Variants in ATP10D observed in about 807,000 individuals in gnomAD.
The protein encoded by ATP10D is phospholipid-transporting ATPase VD.
Under a neutral mutation model 144.8 loss-of-function variants are expected in ATP10D, and 89 were observed. The observed-to-expected ratio is 0.61, with a 90% CI of 0.52 to 0.73. The LOEUF is 0.73. ATP10D is among the 30% of genes least tolerant of loss of function. ATP10D has a pLI of 0.00. For missense variants in ATP10D, 1,603 were observed against 1,714.8 expected, an observed-to-expected ratio of 0.93 and a Z score of 1.15; for synonymous variants, 571 against 615.1, an observed-to-expected ratio of 0.93 and a Z score of 1.06.
rs754142382 is a variant in ATP10D, at chr4:47,557,730, A to G, written c.1891A>G (p.Arg631Gly). 11 of 1,614,102 alleles carry G rather than the reference A, an allele frequency of 6.8e-6. No homozygotes were observed. Among genetic ancestry groups the G allele is most frequent in the African/African-American group, 1.3e-5 (1 of 74,934 alleles). The change falls in exon 12 of 23, where the codon AGA becomes GGA. Residue 631 changes from arginine to glycine, a missense_variant. Physicochemically the swap from Arg to Gly is moderately radical, Grantham distance 125. Transcript: ENST00000273859. ...SLEEIKSLFQRWSVRRSSSPS... is the reference protein window; with the variant it reads ...SLEEIKSLFQGWSVRRSSSPS... ...GGAAGAGATTAAAAGTCTTTTCCAG[A>G]GATGGTCTGTCCGAAGATCAAGTTC...
chr4:47,584,008 C>T (rs1720662328), intron 21 of ATP10D, among the ~76,000 whole-genome samples: 1 of 152,046 alleles, frequency 6.6e-6, no homozygotes, highest in Non-Finnish European at 1.5e-5. Context: ...CAGGCTTTGG[C>T]TAGGGGAGGA....
chr4:47,535,939 A>G lies in ATP10D; in HGVS notation c.921A>G (p.Pro307=), dbSNP rs1339314007. Residue 307 remains proline (P), a synonymous_variant, in exon 7 of 23, where the codon CCA becomes CCG. Coordinates refer to ENST00000273859, the MANE Select transcript of ATP10D (RefSeq NM_020453.4). ...ETKAMLNNSG[P]RYKRSKLERR... The stretch of plus-strand genomic sequence containing the variant: ...AAGCAATGCTGAACAACAGTGGGCC[A>G]CGGTATAAGCGCAGCAAATTAGAAA... 8 of 1,612,968 alleles carry G rather than the reference A, an allele frequency of 5.0e-6. No individual in the cohort carries two copies. In the Admixed American group the frequency reaches 1.0e-4, roughly 20 times the overall value.
chr4:47,485,594 TTC>T lies in ATP10D; in HGVS notation c.-38+82_-38+83del, dbSNP rs1218883396. On this transcript the variant is annotated intron_variant, in intron 1 of 22. Transcript: ENST00000273859. Reference sequence around the variant, plus strand: ...CCGCCCACCCGCTTTTCCTTTCTGTTTCTCTCTCCTGTTTCTCCCCGCTCCAC... The same window carrying T: ...CCGCCCACCCGCTTTTCCTTTCTGTTTCTCTCCTGTTTCTCCCCGCTCCAC... 3 of 152,174 alleles carry T rather than the reference TTC, an allele frequency of 2.0e-5. No individual in the cohort carries two copies. In the East Asian group the frequency reaches 5.8e-4, roughly 29 times the overall value. The allele number at this position is 152,174 out of a possible 1,614,324, so 9.4% of individuals were successfully genotyped here.
intron 1 of ATP10D, among the ~76,000 whole-genome samples, chr4:47,486,740 A>G (rs1490081812): frequency 6.6e-6 from 1 of 152,232 alleles, no homozygotes; most frequent in Non-Finnish European, 1.5e-5. Flanking sequence ...AGGTCATTTT[A>G]TACATTTGGA....
intron 10 of ATP10D, among the ~76,000 whole-genome samples, chr4:47,554,453 G>A (rs1718874850): frequency 6.6e-6 from 1 of 152,144 alleles, no homozygotes; most frequent in Non-Finnish European, 1.5e-5. Flanking sequence ...CACTCAACTA[G>A]ATTTGGTGAA....
chr4:47,515,150 G>C (rs926012109), intron 2 of ATP10D, among the ~76,000 whole-genome samples: 2 of 151,828 alleles, frequency 1.3e-5, no homozygotes, highest in African/African-American at 4.8e-5. Context: ...TAGTAGAGAC[G>C]GGGTTTTACC....
At chr4:47,497,391 G>A (rs909037413) in intron 1 of ATP10D, among the ~76,000 whole-genome samples, 9 of 152,134 alleles carry the variant, frequency 5.9e-5, no homozygotes, top group African/African-American at 2.2e-4. Flanking sequence ...GGAGACCGAT[G>A]TTGCAGTGAG....
chr4:47,558,783 A>G, intron 12 of ATP10D, 140 bp from the exon 13 acceptor site: 1 of 666,014 alleles, frequency 1.5e-6, no homozygotes, highest in Non-Finnish European at 2.6e-6. Context: ...GGTCCCTTTT[A>G]CAGATACCCA....
At position 47,545,275 on chromosome 4, in the gene ATP10D, G is replaced by T. The variant is rs1242869098; in HGVS notation, c.1397-1349G>T. Reference sequence around the variant, plus strand: ...TAGAAAGAGAAGTGAAGTTAGATAGGTCAGCAGGGCTCTGATCATCTTGAG... The same window carrying T: ...TAGAAAGAGAAGTGAAGTTAGATAGTTCAGCAGGGCTCTGATCATCTTGAG... On this transcript the variant is annotated intron_variant, in intron 9 of 22. Coordinates refer to ENST00000273859, the MANE Select transcript of ATP10D (RefSeq NM_020453.4). Among the ~76,000 whole-genome samples the T allele has an allele frequency of 5.3e-5, 8 of 152,356 alleles. 1 individual carries two copies. The South Asian group carries it at 1.2e-3, about 24-fold the overall frequency.
chr4:47,525,806 A>T (rs1376962479), intron 5 of ATP10D, among the ~76,000 whole-genome samples, 164 bp downstream of exon 5: 1 of 152,260 alleles, frequency 6.6e-6, no homozygotes, highest in East Asian at 1.9e-4. Context: ...TTATTTAATA[A>T]GTATTTATAC....
chr4:47,556,024 G>A (rs374033562), intron 11 of ATP10D, among the ~76,000 whole-genome samples: 1 of 152,202 alleles, frequency 6.6e-6, no homozygotes, highest in South Asian at 2.1e-4. Flanking sequence ...AGAGTGCTGG[G>A]ATTACAGGCA....
chr4:47,536,351 C>G, intron 7 of ATP10D, 86 bp from the exon 8 acceptor site: 1 of 1,501,910 alleles, frequency 6.7e-7, no homozygotes, highest in South Asian at 1.2e-5. Flanking sequence ...AATGAATACT[C>G]TCATTCCTTC....
At position 47,485,314 on chromosome 4, in the gene ATP10D, T is replaced by A. The variant is rs112510787; in HGVS notation, c.-243T>A. On this transcript the variant is annotated 5_prime_UTR_variant, in exon 1 of 23. Transcript: ENST00000273859. Reference sequence around the variant, plus strand: ...ACGGGAGGAGGAGCGGAGGGAGAAGTAGGTTGCGAGCTCAGCACAGGCTCC... The same window carrying A: ...ACGGGAGGAGGAGCGGAGGGAGAAGAAGGTTGCGAGCTCAGCACAGGCTCC... The A allele has an allele frequency of 7.0e-3, 1,064 of 150,962 alleles. 7 individuals carry two copies. Among genetic ancestry groups the A allele is most frequent in the Non-Finnish European group, 0.01 (705 of 67,942 alleles). 9.4% of individuals were successfully genotyped at this position (150,962 alleles called of 1,614,324 possible).
At chr4:47,555,551 G>A (rs1315227876) in intron 11 of ATP10D, among the ~76,000 whole-genome samples, 1 of 152,090 alleles carries the variant, frequency 6.6e-6, no homozygotes, top group African/African-American at 2.4e-5. Context: ...TGGGGAGGTG[G>A]GATTTGAACC....
chr4:47,510,307 A>T lies in ATP10D; in HGVS notation c.-37-2197A>T, dbSNP rs1716257578. Among the ~76,000 whole-genome samples, 2 of 152,208 alleles carry T rather than the reference A, an allele frequency of 1.3e-5. 1 individual carries two copies. The highest frequency in any genetic ancestry group is 4.1e-4 in the South Asian group (2 of 4,824). On this transcript the variant is annotated intron_variant, in intron 1 of 22. Transcript: ENST00000273859. ...GAGCTGCCCAGCCTTGGAGAGTAGG[A>T]GAGAGACTCTTGTAGGCTCTAGAAG... is the stretch of plus-strand genomic sequence containing the variant.
At chr4:47,500,869 A>G (rs1375565558) in intron 1 of ATP10D, among the ~76,000 whole-genome samples, 1 of 152,206 alleles carries the variant, frequency 6.6e-6, no homozygotes, top group Non-Finnish European at 1.5e-5. Flanking sequence ...AGGAAAGGGT[A>G]TGAAACAGTT....
Position 47,572,249 on chromosome 4 carries a change from C to G in ATP10D, c.3240+19C>G, listed in dbSNP as rs559446662. The G allele has an allele frequency of 7.4e-6, 12 of 1,611,240 alleles. No individual in the cohort carries two copies. In the Admixed American group the frequency reaches 1.3e-4, roughly 18 times the overall value. ...CATGCAGGTGAGTGGATATTGTGCACCCAAGTTCTGTGGCCTTGACCTGCC... is the reference window on the plus strand; with the variant it reads ...CATGCAGGTGAGTGGATATTGTGCAGCCAAGTTCTGTGGCCTTGACCTGCC... On this transcript the variant is annotated intron_variant, in intron 17 of 22. Coordinates refer to ENST00000273859, the MANE Select transcript of ATP10D (RefSeq NM_020453.4).
intron 22 of ATP10D, among the ~76,000 whole-genome samples, chr4:47,588,385 C>T (rs1720882197): frequency 6.6e-6 from 1 of 152,142 alleles, no homozygotes. Flanking sequence ...ATAACAGCGT[C>T]AACAAACTGT....
chr4:47,543,257 A>G (rs1718250326), intron 9 of ATP10D, among the ~76,000 whole-genome samples: 1 of 152,206 alleles, frequency 6.6e-6, no homozygotes, highest in Admixed American at 6.5e-5. Flanking sequence ...AGGGTTCAAT[A>G]CTATCCGTGG....
Sources: allele counts gnomAD v4.1 joint callset (sites outside exome capture counted in the v4.1 genomes callset), GRCh38; gene constraint gnomAD v4.1.1; transcripts MANE v1.5; gene names NCBI Gene and HGNC (gene_info 2026-07-23, HGNC 2026-07-21).